The following EFR3B variants were observed in gnomAD, a reference collection of about 807,000 sequenced individuals.
The protein encoded by EFR3B is EFR3 homolog B.
Under a neutral mutation model 104.7 loss-of-function variants are expected in EFR3B, and 64 were observed. That is an observed-to-expected ratio of 0.61 (90% CI 0.50 to 0.75). EFR3B has a LOEUF of 0.75. Ranked by LOEUF, EFR3B falls within the 30% of genes least tolerant of loss-of-function variation. EFR3B has a pLI of 0.00. For missense variants in EFR3B, 750 were observed against 1,078.5 expected (o/e 0.70, Z 4.27); for synonymous variants, 385 against 417.9 (o/e 0.92, Z 0.96).
chr2:25,141,453 C>T lies in EFR3B; in HGVS notation c.1922+20C>T, dbSNP rs778507747. Reference sequence around the variant, plus strand: ...GCCCAGGTGAGGAGAGGACGGGGGACGTGGTCAGGGATCCCCAGGGCAGCT... The same window carrying T: ...GCCCAGGTGAGGAGAGGACGGGGGATGTGGTCAGGGATCCCCAGGGCAGCT... On this transcript the variant is annotated intron_variant, in intron 17 of 22. Coordinates refer to ENST00000403714, the MANE Select transcript of EFR3B (RefSeq NM_014971.2). The T allele has an allele frequency of 5.2e-6, 8 of 1,549,872 alleles. No individual in the cohort carries two copies. The highest frequency in any genetic ancestry group is 3.9e-5 in the Admixed American group (2 of 50,850).
At chr2:25,111,895 G>A (rs1405670898) in intron 4 of EFR3B, among the ~76,000 whole-genome samples, 1 of 152,242 alleles carries the variant, frequency 6.6e-6, no homozygotes, top group Non-Finnish European at 1.5e-5. Context: ...CAGCCATGCA[G>A]AACTATTGCA....
At chr2:25,075,249 T>A (rs1355909672) in intron 1 of EFR3B, among the ~76,000 whole-genome samples, 1 of 152,232 alleles carries the variant, frequency 6.6e-6, no homozygotes, top group Non-Finnish European at 1.5e-5. Flanking sequence ...CCTCCCTGGC[T>A]CTGTTCCTGA....
intron 21 of EFR3B, among the ~76,000 whole-genome samples, chr2:25,152,776 A>T (rs1021410948): frequency 6.6e-6 from 1 of 151,524 alleles, no homozygotes; most frequent in Admixed American, 6.6e-5. Flanking sequence ...ACAAAATATA[A>T]TATGTATAAA....
intron 1 of EFR3B, among the ~76,000 whole-genome samples, chr2:25,047,601 C>T (rs960941018): frequency 6.6e-6 from 1 of 152,066 alleles, no homozygotes; most frequent in Non-Finnish European, 1.5e-5. Flanking sequence ...CAGGTTCAAG[C>T]AGTTCTCATG....
At chr2:25,063,889 T>C (rs1668263336) in intron 1 of EFR3B, among the ~76,000 whole-genome samples, 2 of 152,226 alleles carry the variant, frequency 1.3e-5, no homozygotes, top group South Asian at 4.1e-4. Flanking sequence ...TCACTCCATC[T>C]GCTCCTGGCT....
rs540597740 is a variant in EFR3B at position 25,156,759 on chromosome 2, C to A, written c.*2419C>A. 1 of 152,290 alleles carries A rather than the reference C, an allele frequency of 6.6e-6. No homozygotes were observed. Among genetic ancestry groups the A allele is most frequent in the Non-Finnish European group, 1.5e-5 (1 of 68,002 alleles). The allele number at this position is 152,290 out of a possible 1,614,324, so 9.4% of individuals were successfully genotyped here. A position where few individuals can be genotyped will look rare whatever the true frequency, so the allele number is the denominator to read the frequency against. On this transcript the variant is annotated 3_prime_UTR_variant, in exon 23 of 23. Coordinates refer to ENST00000403714, the MANE Select transcript of EFR3B (RefSeq NM_014971.2). The stretch of plus-strand genomic sequence containing the variant: ...TCTTTAGTATTTATATATTTAAAAA[C>A]CAAGTTTAAATTAACTCAAACTTGA...
intron 1 of EFR3B, among the ~76,000 whole-genome samples, chr2:25,079,576 TTTTAA>T (rs903462354): frequency 1.2e-4 from 18 of 152,318 alleles, no homozygotes; most frequent in Non-Finnish European, 2.2e-4. Flanking sequence ...CTGGAATTTT[TTTTAA>T]TTTATTTTAT....
intron 5 of EFR3B, among the ~76,000 whole-genome samples, chr2:25,127,191 C>CAAAAAAAAAAAA (rs57818903): frequency 5.8e-5 from 3 of 51,726 alleles, no homozygotes; most frequent in African/African-American, 1.5e-4. Context: ...GACTCCACCT[C>CAAAAAAAAAAAA]AAAAAAAAAA....
chr2:25,097,490 G>A (rs527445233), intron 3 of EFR3B, among the ~76,000 whole-genome samples: 7 of 152,270 alleles, frequency 4.6e-5, no homozygotes, highest in African/African-American at 1.7e-4. Context: ...ATATGGACAT[G>A]AACCTTGGAT....
In EFR3B at chr2:25,042,406, C is replaced by G; in HGVS notation, c.7+87C>G. On this transcript the variant is annotated intron_variant, in intron 1 of 22. Coordinates refer to ENST00000403714, the MANE Select transcript of EFR3B (RefSeq NM_014971.2). This position sits in a 1 kb window ranked among gnomAD's most constrained non-coding sequence, Gnocchi z 5.4. ...GCGGACCATTGTCCCCCTGCACGGC[C>G]CTGGCGCGGGGCCAGGCCGCTGACC... 1.6e-6 allele frequency: 2 copies of G among 1,223,244 alleles called. No individual in the cohort carries two copies. Among genetic ancestry groups the G allele is most frequent in the Non-Finnish European group, 2.0e-6 (2 of 981,736 alleles). 75.8% of individuals were successfully genotyped at this position (1,223,244 alleles called of 1,614,324 possible).
At chr2:25,086,960 G>T (rs1483873009) in intron 1 of EFR3B, among the ~76,000 whole-genome samples, 7 of 152,192 alleles carry the variant, frequency 4.6e-5, no homozygotes, top group Non-Finnish European at 4.4e-5. Flanking sequence ...TTCTCATGCT[G>T]TGAACGAAGA....
intron 17 of EFR3B, 101 bp downstream of exon 17, chr2:25,141,534 C>T: frequency 8.0e-7 from 1 of 1,246,144 alleles, no homozygotes; most frequent in African/African-American, 1.5e-5. Flanking sequence ...GAGGCTCAGA[C>T]TTCTGTGGAC....
At chr2:25,152,134 C>G in intron 21 of EFR3B, 114 bp downstream of exon 21, 1 of 985,272 alleles carries the variant, frequency 1.0e-6, no homozygotes, top group Non-Finnish European at 1.5e-6. Flanking sequence ...CAACCTCCCC[C>G]ACCCCCACCC....
At chr2:25,125,831 C>T (rs1249663905) in intron 5 of EFR3B, among the ~76,000 whole-genome samples, 2 of 152,116 alleles carry the variant, frequency 1.3e-5, no homozygotes, top group Admixed American at 6.6e-5. Flanking sequence ...GCCTGTAGTC[C>T]CAGCTACTGG....
At chr2:25,108,855 C>T (rs1455846371) in intron 4 of EFR3B, among the ~76,000 whole-genome samples, 6 of 151,730 alleles carry the variant, frequency 4.0e-5, no homozygotes, top group African/African-American at 1.2e-4. Context: ...AAAATTCAGC[C>T]GGGGTGTGGT....
In EFR3B at chr2:25,137,349, G is replaced by A; in HGVS notation, c.1569G>A (p.Gln523=). The A allele has an allele frequency of 6.4e-7, 1 of 1,552,164 alleles. No individual in the cohort carries two copies. The highest frequency in any genetic ancestry group is 2.4e-5 in the East Asian group (1 of 40,900). ...CCCGCTCCTGTCCCCAGCACTCCCAGCAGCTCTACAGACACATCTACCTGA... is the reference window on the plus strand; with the variant it reads ...CCCGCTCCTGTCCCCAGCACTCCCAACAGCTCTACAGACACATCTACCTGA... ...QDTVFMKKHS[Q]QLYRHIYLSC... is the part of the protein sequence containing the mutation. Residue 523 remains glutamine, a synonymous_variant, in exon 15 of 23, where the codon CAG becomes CAA. Transcript: ENST00000403714. The surrounding 1 kb of genome is among the most constrained non-coding windows in gnomAD (Gnocchi z 4.7).
Position 25,113,254 on chromosome 2 carries a change from C to A in EFR3B, c.364-8419C>A, listed in dbSNP as rs369653770. Among the ~76,000 whole-genome samples the A allele has an allele frequency of 2.0e-5, 3 of 152,216 alleles. No homozygotes were observed. The East Asian group carries it at 5.8e-4, about 29-fold the overall frequency. On this transcript the variant is annotated intron_variant, in intron 4 of 22. Transcript: ENST00000403714. ...AAAAAAACAAAACCAAATAACCAAA[C>A]AAACAAACAAAAAACCATGATCTTT...
In EFR3B at chr2:25,042,309, C is replaced by G; in HGVS notation, c.-4C>G. ...GCCTCTCGAGAGGCGCGCGCCCCGC[C>G]GAGATGTACGGTAAGGAGGGCTCCG... On this transcript the variant is annotated 5_prime_UTR_variant, in exon 1 of 23. Transcript: ENST00000403714. This position sits in a 1 kb window ranked among gnomAD's most constrained non-coding sequence, Gnocchi z 5.4. 1 of 1,289,156 alleles carries G rather than the reference C, an allele frequency of 7.8e-7. No homozygotes were observed. The highest frequency in any genetic ancestry group is 9.8e-7 in the Non-Finnish European group (1 of 1,019,630). The allele number at this position is 1,289,156 out of a possible 1,614,324, so 79.9% of individuals were successfully genotyped here. A position where few individuals can be genotyped will look rare whatever the true frequency, so the allele number is the denominator to read the frequency against.
At chr2:25,110,958 G>A (rs1357171433) in intron 4 of EFR3B, among the ~76,000 whole-genome samples, 1 of 152,192 alleles carries the variant, frequency 6.6e-6, no homozygotes, top group South Asian at 2.1e-4. Flanking sequence ...TTTTTGAAGA[G>A]GGCAGGTCAG....
Sources: allele counts gnomAD v4.1 joint callset (sites outside exome capture counted in the v4.1 genomes callset), GRCh38; gene constraint gnomAD v4.1.1; non-coding constraint Gnocchi (gnomAD v3.1); transcripts MANE v1.5; gene names NCBI Gene and HGNC (gene_info 2026-07-23, HGNC 2026-07-21).